Variants in RTN3 observed in about 807,000 individuals in gnomAD.
RTN3 encodes reticulon 3.
Under a neutral mutation model 77.8 loss-of-function variants are expected in RTN3, and 49 were observed. The ratio of observed to expected loss-of-function variants is 0.63; its 90% CI spans 0.50 to 0.80. The LOEUF is 0.80. RTN3 is among the 30% of genes least tolerant of loss of function. RTN3 has a pLI of 0.00. For synonymous variants in RTN3, 464 were observed against 446.9 expected, an observed-to-expected ratio of 1.04 and a Z score of -0.48; for missense variants, 1,236 against 1,211.9, an observed-to-expected ratio of 1.02 and a Z score of -0.29.
intron 1 of RTN3, among the ~76,000 whole-genome samples, chr11:63,693,966 A>T (rs1173161513): frequency 6.6e-6 from 1 of 152,134 alleles, no homozygotes; most frequent in African/African-American, 2.4e-5. Context: ...TACAAAAATT[A>T]AAAATAATCT....
chr11:63,732,040 A>G (rs1030542366), intron 3 of RTN3, among the ~76,000 whole-genome samples: 10 of 152,180 alleles, frequency 6.6e-5, no homozygotes, highest in African/African-American at 2.4e-4. Context: ...GAAAAAGAAG[A>G]GCAAAGTAAA....
intron 1 of RTN3, among the ~76,000 whole-genome samples, chr11:63,696,507 A>G (rs1941946164): frequency 6.6e-6 from 1 of 151,518 alleles, no homozygotes; most frequent in African/African-American, 2.4e-5. Context: ...CAGGAGTTCA[A>G]GACCAGCTTG....
At chr11:63,755,044 AT>A (rs1278479912) in intron 7 of RTN3, among the ~76,000 whole-genome samples, 1 of 151,578 alleles carries the variant, frequency 6.6e-6, no homozygotes, top group East Asian at 1.9e-4. Context: ...TTGTTGGATG[AT>A]GTGTACCAAG....
intron 8 of RTN3, among the ~76,000 whole-genome samples, chr11:63,757,522 C>T (rs1256207534): frequency 6.6e-6 from 1 of 151,676 alleles, no homozygotes; most frequent in Non-Finnish European, 1.5e-5. Context: ...CATGCCCTGG[C>T]AAATTTTTTA....
In RTN3 at chr11:63,684,790, C is replaced by T. The variant is rs7945796; in HGVS notation, c.142+3012C>T. Among the ~76,000 whole-genome samples the T allele has an allele frequency of 5.1e-4, 77 of 152,264 alleles. 1 individual carries two copies. Among genetic ancestry groups the T allele is most frequent in the African/African-American group, 1.7e-3 (72 of 41,568 alleles). On this transcript the variant is annotated intron_variant, in intron 1 of 8. Coordinates refer to ENST00000377819, the MANE Select transcript of RTN3 (RefSeq NM_001265589.2). ...TAAAGAGAAACTCTTTTTGGAGTCT[C>T]GCTCTGTAGCCCAGGCTGGAGTGCA...
intron 2 of RTN3, among the ~76,000 whole-genome samples, chr11:63,710,178 A>G (rs931161663): frequency 6.6e-6 from 1 of 152,118 alleles, no homozygotes; most frequent in Non-Finnish European, 1.5e-5. Context: ...GTATTTACTC[A>G]TAAGTATTTT....
chr11:63,727,986 A>G (rs568088392), intron 3 of RTN3, among the ~76,000 whole-genome samples: 133 of 152,308 alleles, frequency 8.7e-4, no homozygotes, highest in African/African-American at 3.1e-3. Context: ...GGGGTCCCCA[A>G]GATAACCATC....
chr11:63,757,931 A>G (rs1447391456), intron 8 of RTN3, among the ~76,000 whole-genome samples: 2 of 151,942 alleles, frequency 1.3e-5, no homozygotes, highest in Non-Finnish European at 2.9e-5. Context: ...GGGTTTCACC[A>G]CATTGGCCAG....
intron 1 of RTN3, among the ~76,000 whole-genome samples, chr11:63,686,235 C>T (rs1399177923): frequency 2.6e-5 from 4 of 152,234 alleles, no homozygotes; most frequent in South Asian, 2.1e-4. Context: ...CTTTGGGAGG[C>T]CGAGGCAGGC....
In RTN3 at chr11:63,719,837, C is replaced by T; in HGVS notation, c.1335C>T (p.Asp445=). Residue 445 remains aspartate, a synonymous_variant, in exon 3 of 9, where the codon GAC becomes GAT. Transcript: ENST00000377819. Reference sequence around the variant, plus strand: ...AAGGCAATATGCAGAAACAGGATGACACACTTGCAGAATTACCTGGATCTC... The same window carrying T: ...AAGGCAATATGCAGAAACAGGATGATACACTTGCAGAATTACCTGGATCTC... The part of the protein sequence containing the change: ...GVQGNMQKQD[D]TLAELPGSPP... 2 of 1,614,124 alleles carry T rather than the reference C, an allele frequency of 1.2e-6. No homozygotes were observed. The highest frequency in any genetic ancestry group is 1.1e-5 in the South Asian group (1 of 91,072).
In RTN3 at chr11:63,681,624, C is replaced by G; in HGVS notation, c.-13C>G. On this transcript the variant is annotated 5_prime_UTR_variant, in exon 1 of 9. Coordinates refer to ENST00000377819, the MANE Select transcript of RTN3 (RefSeq NM_001265589.2). ...TCTCTTTTCACCCTTCTCCCACCCTCGCTCGCGTAGCCATGGCGGAGCCGT... is the reference window on the plus strand; with the variant it reads ...TCTCTTTTCACCCTTCTCCCACCCTGGCTCGCGTAGCCATGGCGGAGCCGT... The G allele has an allele frequency of 6.3e-7, 1 of 1,580,450 alleles. No homozygotes were observed. The highest frequency in any genetic ancestry group is 2.3e-5 in the East Asian group (1 of 43,522).
chr11:63,697,927 A>T (rs1369085576), intron 1 of RTN3, among the ~76,000 whole-genome samples: 1 of 152,050 alleles, frequency 6.6e-6, no homozygotes, highest in African/African-American at 2.4e-5. Context: ...ATTTCTAAAA[A>T]ACTTTCCCTC....
Position 63,758,492 on chromosome 11 carries a change from G to A in RTN3, c.*291G>A. ...AGCCTTTACCTGTAGCTTGAAAGGGGAAAGATTGGAGGTAAGAGAGAAAAT... is the reference window on the plus strand; with the variant it reads ...AGCCTTTACCTGTAGCTTGAAAGGGAAAAGATTGGAGGTAAGAGAGAAAAT... On this transcript the variant is annotated 3_prime_UTR_variant, in exon 9 of 9. Transcript: ENST00000377819. 1 of 715,318 alleles carries A rather than the reference G, an allele frequency of 1.4e-6. No homozygotes were observed. The highest frequency in any genetic ancestry group is 2.2e-6 in the Non-Finnish European group (1 of 454,066). 44.3% of individuals were successfully genotyped at this position (715,318 alleles called of 1,614,324 possible).
At chr11:63,750,897 A>G (rs1373887784) in intron 4 of RTN3, among the ~76,000 whole-genome samples, 17 of 151,210 alleles carry the variant, frequency 1.1e-4, no homozygotes, top group Non-Finnish European at 1.8e-4. Context: ...ACGCCCGGCT[A>G]ATTTTTTTGT....
At chr11:63,687,070 T>A (rs1359163530) in intron 1 of RTN3, among the ~76,000 whole-genome samples, 1 of 152,200 alleles carries the variant, frequency 6.6e-6, no homozygotes, top group South Asian at 2.1e-4. Flanking sequence ...GTAATTTGTG[T>A]TTTGAGTTAA....
Position 63,752,654 on chromosome 11 carries a change from T to G in RTN3, c.2877+9T>G. On this transcript the variant is annotated intron_variant, in intron 5 of 8. Transcript: ENST00000377819. ...TGGTTGACTCCTTGAAGGTTAGTTG[T>G]TTCTGCAGCTCTTGGTGGTAAAACA... The G allele has an allele frequency of 1.2e-6, 2 of 1,613,486 alleles. No homozygotes were observed. The highest frequency in any genetic ancestry group is 1.7e-6 in the Non-Finnish European group (2 of 1,179,634).
chr11:63,755,126 A>G (rs2014307148), intron 7 of RTN3, among the ~76,000 whole-genome samples: 1 of 151,804 alleles, frequency 6.6e-6, no homozygotes, highest in African/African-American at 2.4e-5. Context: ...GCTTTTTGGT[A>G]TTAAGTGAAT....
At chr11:63,735,215 C>G (rs2013007177) in intron 3 of RTN3, among the ~76,000 whole-genome samples, 1 of 152,066 alleles carries the variant, frequency 6.6e-6, no homozygotes, top group African/African-American at 2.4e-5. Context: ...GTCTCGAACT[C>G]CCAACCTCAA....
intron 3 of RTN3, among the ~76,000 whole-genome samples, chr11:63,726,209 C>T (rs1473422988): frequency 6.6e-6 from 1 of 152,154 alleles, no homozygotes; most frequent in Non-Finnish European, 1.5e-5. Flanking sequence ...AAAACAAAGA[C>T]CCGAAGGCAC....
Sources: gnomAD v4.1 joint callset for allele counts (sites outside exome capture counted in the v4.1 genomes callset) on GRCh38, gnomAD v4.1.1 for gene constraint, MANE v1.5 for transcripts, NCBI Gene and HGNC (gene_info 2026-07-23, HGNC 2026-07-21) for gene names.